The following ATG2B variants were observed in gnomAD, a reference collection of about 807,000 sequenced individuals.
The protein encoded by ATG2B is autophagy related 2B.
In ATG2B, 121 loss-of-function variants were observed where a neutral mutation model predicts 241.3. The ratio of observed to expected loss-of-function variants is 0.50; its 90% CI spans 0.43 to 0.58. The LOEUF is 0.58. Among genes scored for constraint, ATG2B ranks in the 20% least tolerant of loss-of-function variants. The pLI is 0.00. For synonymous variants in ATG2B, 858 were observed against 876.6 expected, an observed-to-expected ratio of 0.98 and a Z score of 0.37; for missense variants, 2,306 against 2,491.6, an observed-to-expected ratio of 0.93 and a Z score of 1.59.
chr14:96,309,657 T>C, intron 28 of ATG2B, 63 bp from the exon 29 acceptor site: 2 of 1,463,808 alleles, frequency 1.4e-6, no homozygotes, highest in Non-Finnish European at 1.9e-6. Context: ...ACTACTTACA[T>C]TTATTTTATC....
chr14:96,317,925 T>C (rs937560312), intron 18 of ATG2B, 70 bp from the exon 19 acceptor site: 13 of 1,183,472 alleles, frequency 1.1e-5, no homozygotes, highest in Admixed American at 7.7e-5. Context: ...TAAAAAAAAA[T>C]CCTTTTAAAA....
intron 15 of ATG2B, among the ~76,000 whole-genome samples, chr14:96,325,053 G>A (rs1483777990): frequency 6.6e-6 from 1 of 152,062 alleles, no homozygotes; most frequent in Non-Finnish European, 1.5e-5. Flanking sequence ...ACAAAGTAAT[G>A]CAGAAAAAAT....
At chr14:96,291,766 A>G in intron 37 of ATG2B, 84 bp from the exon 38 acceptor site, 1 of 1,010,708 alleles carries the variant, frequency 9.9e-7, no homozygotes, top group Non-Finnish European at 1.5e-6. Flanking sequence ...TGAAAGTCAA[A>G]GCAGTAGTCA....
At chr14:96,299,632 A>C (rs1886736893) in intron 34 of ATG2B, among the ~76,000 whole-genome samples, 1 of 152,126 alleles carries the variant, frequency 6.6e-6, no homozygotes, top group African/African-American at 2.4e-5. Flanking sequence ...TTTGAATCTC[A>C]AACTGCCTAG....
chr14:96,334,972 A>T (rs998320300), intron 6 of ATG2B, among the ~76,000 whole-genome samples: 2 of 152,202 alleles, frequency 1.3e-5, no homozygotes, highest in Admixed American at 1.3e-4. Context: ...CTCCTCCAAC[A>T]CTGTGCCTTC....
intron 34 of ATG2B, among the ~76,000 whole-genome samples, chr14:96,301,085 T>A (rs1301151513): frequency 6.6e-6 from 1 of 152,278 alleles, no homozygotes; most frequent in East Asian, 1.9e-4. Flanking sequence ...ACTCCATTTA[T>A]GTTCTGCAAT....
At chr14:96,349,270 A>G (rs891245204) in intron 1 of ATG2B, among the ~76,000 whole-genome samples, 3 of 152,290 alleles carry the variant, frequency 2.0e-5, no homozygotes, top group Non-Finnish European at 4.4e-5. Context: ...AAGTTGCTTT[A>G]GGCTTCAGTG....
chr14:96,335,969 A>G (rs1478731799), intron 6 of ATG2B, among the ~76,000 whole-genome samples: 4 of 152,164 alleles, frequency 2.6e-5, no homozygotes, highest in Admixed American at 6.6e-5. Flanking sequence ...TGAAAATATA[A>G]AAGAACATAA....
intron 6 of ATG2B, among the ~76,000 whole-genome samples, chr14:96,340,575 A>G (rs950958659): frequency 6.6e-6 from 1 of 152,098 alleles, no homozygotes; most frequent in African/African-American, 2.4e-5. Context: ...AAATGAAGGG[A>G]AAAAGAATAT....
Position 96,354,896 on chromosome 14 carries a change from G to A in ATG2B, c.163-7555C>T, listed in dbSNP as rs527687570. On this transcript the variant is annotated intron_variant, in intron 1 of 41. Coordinates refer to ENST00000359933, the MANE Select transcript of ATG2B (RefSeq NM_018036.7). ...TGATTTGCATTTCTCTAATGACAGT[G>A]ATGTTGAGCTTTTTTTTCCACATTT... 6.6e-5 allele frequency among the ~76,000 whole-genome samples: 10 copies of A among 152,292 alleles called. No homozygotes were observed. The East Asian group carries it at 1.7e-3, about 26-fold the overall frequency.
At position 96,329,048 on chromosome 14, in the gene ATG2B, GT is replaced by G. The variant is rs199683848; in HGVS notation, c.1882-283del. On this transcript the variant is annotated intron_variant, in intron 12 of 41. Coordinates refer to ENST00000359933, the MANE Select transcript of ATG2B (RefSeq NM_018036.7). Reference sequence around the variant, plus strand: ...AACAGCAATGAACATAACTTTGACAGTTTTCTAAAGTTTCTTTAGGTCACAC... The same window carrying G: ...AACAGCAATGAACATAACTTTGACAGTTTCTAAAGTTTCTTTAGGTCACAC... Among the ~76,000 whole-genome samples, 671 of 152,314 alleles carry G rather than the reference GT, an allele frequency of 4.4e-3. 26 individuals are homozygous for G. In the South Asian group the frequency reaches 0.067, roughly 15 times the overall value.
rs1888086493 is a variant in ATG2B, at chr14:96,343,123, G to C, written c.740C>G (p.Pro247Arg). Residue 247 changes from proline to arginine, a missense_variant, in exon 5 of 42, where the codon CCA becomes CGA. Pro to Arg is a moderately radical substitution (Grantham distance 103, BLOSUM62 -2). This residue lies in a region of ATG2B where 1,927 missense variants were observed against 2,011.2 expected (regional missense o/e 0.96). Coordinates refer to ENST00000359933, the MANE Select transcript of ATG2B (RefSeq NM_018036.7). ...AKSSPVCSTAPVETEPKLSPS... is the reference protein window; with the variant it reads ...AKSSPVCSTARVETEPKLSPS... ...AGGGTTTTTGTTTTTTCTTACCACTGGTGCAGTTGAACACACTGGGGAAGA... is the reference window on the plus strand; with the variant it reads ...AGGGTTTTTGTTTTTTCTTACCACTCGTGCAGTTGAACACACTGGGGAAGA... The C allele has an allele frequency of 1.3e-6, 2 of 1,548,172 alleles. No individual in the cohort carries two copies. Among genetic ancestry groups the C allele is most frequent in the East Asian group, 4.6e-5 (2 of 43,584 alleles).
rs3783426 is a variant in ATG2B, at chr14:96,299,240, C to T, written c.5139+2767G>A. ...AATCTTCACCTGCCTAGCTCCACTG[C>T]ACTCCTTAAGGCCCACCTTGAATGT... On this transcript the variant is annotated intron_variant, in intron 34 of 41. Transcript: ENST00000359933. 2.0e-5 allele frequency among the ~76,000 whole-genome samples: 3 copies of T among 152,112 alleles called. No homozygotes were observed. In the South Asian group the frequency reaches 6.2e-4, roughly 32 times the overall value.
chr14:96,363,172 A>T lies in ATG2B; in HGVS notation c.-196T>A. ...TCGCGCTGGGCCTGGCGGAGGCAAG[A>T]CGCAGAGGGGTCCTCCTGGCCCCAG... On this transcript the variant is annotated 5_prime_UTR_variant, in exon 1 of 42. Transcript: ENST00000359933. 6.8e-6 allele frequency: 4 copies of T among 590,962 alleles called. No individual in the cohort carries two copies. The highest frequency in any genetic ancestry group is 1.2e-5 in the Non-Finnish European group (4 of 336,880). 36.6% of individuals were successfully genotyped at this position (590,962 alleles called of 1,614,324 possible). A position where few individuals can be genotyped will look rare whatever the true frequency, so the allele number is the denominator to read the frequency against.
At chr14:96,295,945 C>T (rs908428161) in intron 34 of ATG2B, among the ~76,000 whole-genome samples, 1 of 152,206 alleles carries the variant, frequency 6.6e-6, no homozygotes. Flanking sequence ...ATATTACCAA[C>T]AATCATGTGC....
chr14:96,322,362 T>C (rs995203096), intron 17 of ATG2B, 108 bp from the exon 18 acceptor site: 16 of 1,390,308 alleles, frequency 1.2e-5, no homozygotes, highest in Admixed American at 2.5e-5. Flanking sequence ...TAAATAAGCA[T>C]GAAACATTTA....
In ATG2B at chr14:96,313,133, A is replaced by C. The variant is rs1401430897; in HGVS notation, c.3774T>G (p.Ser1258=). The C allele has an allele frequency of 6.2e-7, 1 of 1,613,438 alleles. No homozygotes were observed. Among genetic ancestry groups the C allele is most frequent in the Non-Finnish European group, 8.5e-7 (1 of 1,179,702 alleles). Reference sequence around the variant, plus strand: ...CACTGAATGTTTCCACGGTAAGAAGAGATCGGATTGGCAAATAAAGGGGTC... The same window carrying C: ...CACTGAATGTTTCCACGGTAAGAAGCGATCGGATTGGCAAATAAAGGGGTC... ...DYRPLYLPIR[S]LLTVETFSVS... is the part of the protein sequence containing the mutation. Residue 1258 remains serine, a synonymous_variant, in exon 25 of 42, where the codon TCT becomes TCG. Transcript: ENST00000359933.
rs143035710 is a variant in ATG2B at position 96,334,229 on chromosome 14, T to C, written c.1021+176A>G. Among the ~76,000 whole-genome samples the C allele has an allele frequency of 5.5e-3, 831 of 152,364 alleles. 26 individuals are homozygous for C. In the South Asian group the frequency reaches 0.066, roughly 12 times the overall value. ...CATAATCTGAAGTGAATATGTCCCATGGTAACACATTCAAAACACCCAATC... is the reference window on the plus strand; with the variant it reads ...CATAATCTGAAGTGAATATGTCCCACGGTAACACATTCAAAACACCCAATC... On this transcript the variant is annotated intron_variant, in intron 7 of 41. Coordinates refer to ENST00000359933, the MANE Select transcript of ATG2B (RefSeq NM_018036.7).
intron 10 of ATG2B, 112 bp from the exon 11 acceptor site, chr14:96,331,749 T>G: frequency 2.4e-6 from 2 of 842,300 alleles, no homozygotes; most frequent in Non-Finnish European, 3.6e-6. Context: ...CATACAACAG[T>G]TTGAATGATA....
Sources: gnomAD v4.1 joint callset for allele counts (sites outside exome capture counted in the v4.1 genomes callset) on GRCh38, gnomAD v4.1.1 for gene constraint, gnomAD v4.1.1 regional missense constraint, MANE v1.5 for transcripts, NCBI Gene and HGNC (gene_info 2026-07-23, HGNC 2026-07-21) for gene names.